The following SLC36A4 variants were observed in gnomAD, a reference collection of about 807,000 sequenced individuals.
The protein encoded by SLC36A4 is neutral amino acid uniporter 4.
A neutral mutation model predicts 50.5 loss-of-function variants in SLC36A4; 49 were observed. The ratio of observed to expected loss-of-function variants is 0.97; its 90% CI spans 0.77 to 1.23. The LOEUF is 1.23. SLC36A4 is among the 50% of genes most tolerant of loss of function. The pLI is 0.00. For missense variants in SLC36A4, 611 were observed against 608.4 expected (o/e 1.00, Z -0.05); for synonymous variants, 207 against 206.5 (o/e 1.00, Z -0.02).
intron 1 of SLC36A4, among the ~76,000 whole-genome samples, chr11:93,196,562 T>C (rs1862436812): frequency 6.6e-6 from 1 of 152,150 alleles, no homozygotes; most frequent in Non-Finnish European, 1.5e-5. Flanking sequence ...GAGACGGGGT[T>C]TCACCGTGTT....
chr11:93,149,705 G>T (rs550277793), intron 10 of SLC36A4, among the ~76,000 whole-genome samples: 1 of 152,132 alleles, frequency 6.6e-6, no homozygotes, highest in East Asian at 1.9e-4. Context: ...GTCAAGATTG[G>T]AAGACACAAA....
chr11:93,182,624 A>C (rs1296155184), intron 4 of SLC36A4, among the ~76,000 whole-genome samples, 182 bp downstream of exon 4: 2 of 152,124 alleles, frequency 1.3e-5, no homozygotes, highest in Non-Finnish European at 2.9e-5. Flanking sequence ...ACCTTTTAAA[A>C]ATAAATAGAT....
At chr11:93,184,617 T>C (rs775566537) in intron 2 of SLC36A4, 97 bp from the exon 3 acceptor site, 1 of 724,168 alleles carries the variant, frequency 1.4e-6, no homozygotes, top group Non-Finnish European at 2.3e-6. Flanking sequence ...AAAATTAATC[T>C]AGGCAAGGAA....
chr11:93,192,386 G>A (rs1045175390), intron 1 of SLC36A4, among the ~76,000 whole-genome samples: 10 of 152,244 alleles, frequency 6.6e-5, no homozygotes, highest in Admixed American at 3.3e-4. Context: ...GTGCGGGGGA[G>A]GAGTAGGGGA....
At chr11:93,165,850 G>A (rs1033035371) in intron 8 of SLC36A4, 68 bp downstream of exon 8, 5 of 933,556 alleles carry the variant, frequency 5.4e-6, no homozygotes, top group South Asian at 1.9e-5. Context: ...TTTAAATACA[G>A]GTAGGCTATA....
chr11:93,177,271 G>C (rs367990353), intron 6 of SLC36A4, among the ~76,000 whole-genome samples: 13 of 152,216 alleles, frequency 8.5e-5, no homozygotes, highest in African/African-American at 2.9e-4. Flanking sequence ...GTGTCACGTA[G>C]TTCCCATGCC....
chr11:93,175,362 C>T (rs1222352342), intron 6 of SLC36A4, among the ~76,000 whole-genome samples: 71 of 149,618 alleles, frequency 4.7e-4, no homozygotes, highest in Middle Eastern at 3.6e-3. Flanking sequence ...GTCTTGCTAG[C>T]GGTCTATCAA....
rs961496450 is a variant in SLC36A4 at position 93,162,827 on chromosome 11, C to T, written c.916G>A (p.Ala306Thr). 1.2e-6 allele frequency: 2 copies of T among 1,613,714 alleles called. No individual in the cohort carries two copies. The highest frequency in any genetic ancestry group is 4.5e-5 in the East Asian group (2 of 44,800). ...QMKESKRFPQALNIGMGIVTT... is the reference protein window; with the variant it reads ...QMKESKRFPQTLNIGMGIVTT... ...ACAATCCCCATGCCAATATTCAACG[C>T]TTGAGGGAAACGCTTTGATTCTTTC... The change falls in exon 9 of 11, where the codon GCG becomes ACG. Residue 306 changes from alanine to threonine, a missense_variant. Coordinates refer to ENST00000326402, the MANE Select transcript of SLC36A4 (RefSeq NM_152313.4).
At chr11:93,178,482 T>C (rs939625413) in intron 6 of SLC36A4, among the ~76,000 whole-genome samples, 7 of 152,186 alleles carry the variant, frequency 4.6e-5, no homozygotes, top group Non-Finnish European at 1.0e-4. Context: ...CGCTCAAGCT[T>C]GGAGCTGTAG....
chr11:93,172,026 A>AG (rs1861164289), intron 6 of SLC36A4: 1 of 152,144 alleles, frequency 6.6e-6, no homozygotes, highest in Admixed American at 6.6e-5. Flanking sequence ...AGCACATATG[A>AG]GGGAACACCT....
At chr11:93,182,767 T>C (rs747954497) in intron 4 of SLC36A4, 39 bp downstream of exon 4, 1 of 1,444,034 alleles carries the variant, frequency 6.9e-7, no homozygotes, top group Non-Finnish European at 9.6e-7. Context: ...AAATAAAAGA[T>C]AGCTTTAAAA....
intron 6 of SLC36A4, among the ~76,000 whole-genome samples, chr11:93,177,462 A>C (rs1157444932): frequency 6.6e-6 from 1 of 152,152 alleles, no homozygotes; most frequent in Non-Finnish European, 1.5e-5. Context: ...CAACTCGTCA[A>C]AGTCATTCTC....
intron 10 of SLC36A4, among the ~76,000 whole-genome samples, chr11:93,150,309 A>G (rs968310557): frequency 1.3e-5 from 2 of 151,966 alleles, no homozygotes; most frequent in African/African-American, 4.8e-5. Flanking sequence ...CCTGTTAGTA[A>G]TTTAGTTTTC....
In SLC36A4 at chr11:93,154,178, T is replaced by A. The variant is rs1181508981; in HGVS notation, c.1137A>T (p.Thr379=). 6 of 1,569,100 alleles carry A rather than the reference T, an allele frequency of 3.8e-6. No individual in the cohort carries two copies. Among genetic ancestry groups the A allele is most frequent in the Admixed American group, 3.8e-5 (2 of 52,832 alleles). Residue 379 remains threonine, a synonymous_variant, in exon 10 of 11, where the codon ACA becomes ACT. Transcript: ENST00000326402. The part of the protein sequence containing the change: ...VPAEIIIPGI[T]SKFHTKWKQI... ...GCTTCCATTTAGTATGAAATTTGGA[T>A]GTGATCCCAGGGATAATGATCTCTG...
chr11:93,178,223 T>C (rs1342577817), intron 6 of SLC36A4, among the ~76,000 whole-genome samples: 1 of 152,122 alleles, frequency 6.6e-6, no homozygotes, highest in Non-Finnish European at 1.5e-5. Flanking sequence ...TCTCTTGGTG[T>C]GCCATTTGCT....
intron 1 of SLC36A4, 112 bp downstream of exon 1, chr11:93,197,666 C>T (rs1862485794): frequency 1.7e-6 from 2 of 1,148,060 alleles, no homozygotes; most frequent in East Asian, 5.5e-5. Flanking sequence ...AGTTAGCAAT[C>T]GGGCCTCAAC....
At chr11:93,172,969 G>A (rs1270239645) in intron 6 of SLC36A4, among the ~76,000 whole-genome samples, 12 of 150,424 alleles carry the variant, frequency 8.0e-5, no homozygotes, top group African/African-American at 2.9e-4. Flanking sequence ...TCAGTAATGG[G>A]ATGGCTGGGT....
intron 7 of SLC36A4, chr11:93,167,036 ACT>A (rs1438559661): frequency 6.6e-6 from 1 of 151,948 alleles, no homozygotes; most frequent in Non-Finnish European, 1.5e-5. Context: ...TGCTTAACTG[ACT>A]CTTACATGTT....
intron 3 of SLC36A4, 78 bp downstream of exon 3, chr11:93,184,352 G>T: frequency 1.2e-6 from 1 of 867,340 alleles, no homozygotes; most frequent in South Asian, 1.4e-5. Flanking sequence ...GGTTATATTT[G>T]ACTAGGCCAG....
Sources: gnomAD v4.1 joint callset for allele counts (sites outside exome capture counted in the v4.1 genomes callset) on GRCh38, gnomAD v4.1.1 for gene constraint, MANE v1.5 for transcripts, NCBI Gene and HGNC (gene_info 2026-07-23, HGNC 2026-07-21) for gene names.